Variants in CSRNP3 observed in about 807,000 individuals in gnomAD.
The protein encoded by CSRNP3 is cysteine and serine rich nuclear protein 3.
CSRNP3 carries 12 observed loss-of-function variants against 48.0 expected under a neutral mutation model. The ratio of observed to expected loss-of-function variants is 0.25; its 90% CI spans 0.16 to 0.41. The LOEUF is 0.41. Among genes scored for constraint, CSRNP3 ranks in the 10% least tolerant of loss-of-function variants. The probability of loss-of-function intolerance (pLI) is 1.00; values close to 1 mark genes in which losing one functional copy is unlikely to be tolerated. For missense variants in CSRNP3, 580 were observed against 724.4 expected (o/e 0.80, Z 2.29); for synonymous variants, 263 against 269.7 (o/e 0.98, Z 0.24).
intron 2 of CSRNP3, among the ~76,000 whole-genome samples, chr2:165,511,865 G>A (rs1315661837): frequency 6.6e-6 from 1 of 152,122 alleles, no homozygotes; most frequent in Non-Finnish European, 1.5e-5. Context: ...GCAGTCATCT[G>A]TTTAGCTTCC....
At chr2:165,531,792 C>T (rs1165970557) in intron 3 of CSRNP3, among the ~76,000 whole-genome samples, 3 of 151,908 alleles carry the variant, frequency 2.0e-5, no homozygotes, top group Admixed American at 1.3e-4. Flanking sequence ...AAAAGATCAA[C>T]AAAATTGATA....
chr2:165,641,236 T>C (rs1573937934), intron 4 of CSRNP3, among the ~76,000 whole-genome samples: 1 of 152,202 alleles, frequency 6.6e-6, no homozygotes, highest in Non-Finnish European at 1.5e-5. Flanking sequence ...CTTTCTCTAA[T>C]ACCCTTGAGC....
chr2:165,674,934 A>G (rs1215090194), intron 5 of CSRNP3, among the ~76,000 whole-genome samples: 1 of 151,578 alleles, frequency 6.6e-6, no homozygotes, highest in Non-Finnish European at 1.5e-5. Context: ...GCTGGTCTTG[A>G]ACTCTTGGCC....
chr2:165,470,536 C>T (rs1683880119), intron 1 of CSRNP3, among the ~76,000 whole-genome samples: 1 of 151,948 alleles, frequency 6.6e-6, no homozygotes, highest in African/African-American at 2.4e-5. Context: ...ATAAGAATTC[C>T]ATCAGAGCAT....
chr2:165,682,282 A>T lies in CSRNP3; in HGVS notation c.*2529A>T, dbSNP rs908921456. 5 of 152,046 alleles carry T rather than the reference A, an allele frequency of 3.3e-5. No homozygotes were observed. The highest frequency in any genetic ancestry group is 7.4e-5 in the Non-Finnish European group (5 of 68,004). The allele number at this position is 152,046 out of a possible 1,614,324, so 9.4% of individuals were successfully genotyped here. A position where few individuals can be genotyped will look rare whatever the true frequency, so the allele number is the denominator to read the frequency against. On this transcript the variant is annotated 3_prime_UTR_variant, in exon 7 of 7. Transcript: ENST00000651982. Reference sequence around the variant, plus strand: ...CAGAGTTTTTTTCCCCTATCCATTTATCTAGGGTAGAAAGTCACTGCCCTG... The same window carrying T: ...CAGAGTTTTTTTCCCCTATCCATTTTTCTAGGGTAGAAAGTCACTGCCCTG...
At chr2:165,539,063 G>A (rs960873290) in intron 3 of CSRNP3, among the ~76,000 whole-genome samples, 1 of 151,896 alleles carries the variant, frequency 6.6e-6, no homozygotes, top group African/African-American at 2.4e-5. Context: ...CCAAGACAGG[G>A]TCAAAATTTT....
intron 4 of CSRNP3, among the ~76,000 whole-genome samples, chr2:165,652,079 A>G (rs1573944894): frequency 1.3e-5 from 2 of 152,202 alleles, no homozygotes; most frequent in South Asian, 4.1e-4. Flanking sequence ...TTACAGTAAC[A>G]CCAATATGGC....
intron 4 of CSRNP3, among the ~76,000 whole-genome samples, chr2:165,604,646 A>T (rs529335201): frequency 1.3e-5 from 2 of 152,314 alleles, no homozygotes; most frequent in East Asian, 3.9e-4. Context: ...ATATAGCTTT[A>T]CCAGGCAGAA....
At chr2:165,583,609 C>A (rs567204152) in intron 3 of CSRNP3, among the ~76,000 whole-genome samples, 1 of 152,246 alleles carries the variant, frequency 6.6e-6, no homozygotes, top group South Asian at 2.1e-4. Context: ...TGTAAAGATT[C>A]AGTAAGATAA....
Position 165,675,009 on chromosome 2 carries a change from G to T in CSRNP3, c.409-1303G>T, listed in dbSNP as rs1332449245. Among the ~76,000 whole-genome samples the T allele has an allele frequency of 2.6e-5, 4 of 151,970 alleles. No homozygotes were observed. In the East Asian group the frequency reaches 7.7e-4, roughly 29 times the overall value. On this transcript the variant is annotated intron_variant, in intron 5 of 6. Transcript: ENST00000651982. Reference sequence around the variant, plus strand: ...ATTACAGGCACGAGCCACTGCACCTGGCCTTTGTGATATATTTAGTATATA... The same window carrying T: ...ATTACAGGCACGAGCCACTGCACCTTGCCTTTGTGATATATTTAGTATATA...
At chr2:165,591,951 TC>T (rs1198416364) in intron 3 of CSRNP3, among the ~76,000 whole-genome samples, 1 of 152,090 alleles carries the variant, frequency 6.6e-6, no homozygotes, top group Non-Finnish European at 1.5e-5. Flanking sequence ...AGGGCTGCTG[TC>T]CTCCAGAACC....
chr2:165,495,989 GT>G (rs756426673), intron 2 of CSRNP3, among the ~76,000 whole-genome samples: 1 of 151,846 alleles, frequency 6.6e-6, no homozygotes, highest in Non-Finnish European at 1.5e-5. Flanking sequence ...AGAACTTAAA[GT>G]ATAATTTTAA....
intron 5 of CSRNP3, among the ~76,000 whole-genome samples, chr2:165,666,262 CAG>C (rs1355461395): frequency 9.4e-5 from 6 of 63,558 alleles, no homozygotes; most frequent in African/African-American, 3.4e-4. Flanking sequence ...GAAAGAAAGA[CAG>C]AGAGAGGAAG....
At chr2:165,677,908 C>T (rs1687454249) in intron 6 of CSRNP3, among the ~76,000 whole-genome samples, 1 of 152,132 alleles carries the variant, frequency 6.6e-6, no homozygotes, top group Admixed American at 6.6e-5. Flanking sequence ...TATCCAATCA[C>T]CAAAATAGTT....
chr2:165,497,838 A>T (rs1684303850), intron 2 of CSRNP3, among the ~76,000 whole-genome samples: 1 of 152,106 alleles, frequency 6.6e-6, no homozygotes, highest in South Asian at 2.1e-4. Context: ...TGGTTCAGTT[A>T]CAAGCCTGGC....
chr2:165,662,772 T>C (rs1289310728), intron 5 of CSRNP3, among the ~76,000 whole-genome samples: 1 of 152,216 alleles, frequency 6.6e-6, no homozygotes, highest in Non-Finnish European at 1.5e-5. Flanking sequence ...CCTTTTTATT[T>C]TTTCAACCCA....
intron 4 of CSRNP3, among the ~76,000 whole-genome samples, chr2:165,595,613 C>G (rs6707525): frequency 0.36 from 54,426 of 151,726 alleles, 9,905 homozygotes; most frequent in South Asian, 0.45. Flanking sequence ...AATGGAGAGT[C>G]TAGATTATGA....
intron 3 of CSRNP3, among the ~76,000 whole-genome samples, chr2:165,522,910 TTTATGGTG>T (rs1684682393): frequency 6.6e-6 from 1 of 152,042 alleles, no homozygotes; most frequent in Non-Finnish European, 1.5e-5. Flanking sequence ...ACTCTGCAGA[TTTATGGTG>T]TTCTAATCTG....
At chr2:165,650,386 A>C (rs1174068801) in intron 4 of CSRNP3, among the ~76,000 whole-genome samples, 1 of 152,218 alleles carries the variant, frequency 6.6e-6, no homozygotes, top group Non-Finnish European at 1.5e-5. Context: ...TAGGTGACAC[A>C]GTTATCAAGA....
Sources: allele counts gnomAD v4.1 joint callset (sites outside exome capture counted in the v4.1 genomes callset), GRCh38; gene constraint gnomAD v4.1.1; transcripts MANE v1.5; gene names NCBI Gene and HGNC (gene_info 2026-07-23, HGNC 2026-07-21).